The following MID1 variants were observed in gnomAD, a reference collection of about 807,000 sequenced individuals.
MID1 encodes the protein E3 ubiquitin-protein ligase Midline-1.
Under a neutral mutation model 40.4 loss-of-function variants are expected in MID1, and 7 were observed. The ratio of observed to expected loss-of-function variants is 0.17; its 90% CI spans 0.10 to 0.33. The LOEUF is 0.33. Ranked by LOEUF, MID1 falls within the 10% of genes least tolerant of loss-of-function variation. The probability of loss-of-function intolerance (pLI) is 1.00; values close to 1 mark genes in which losing one functional copy is unlikely to be tolerated. For synonymous variants in MID1, 229 were observed against 221.2 expected (o/e 1.04, Z -0.31); for missense variants, 367 against 558.5 (o/e 0.66, Z 3.46).
At chrX:10,491,662 T>C (rs1449609598) in intron 4 of MID1, among the ~76,000 whole-genome samples, 1 of 112,021 alleles carries the variant, frequency 8.9e-6, no homozygotes, top group East Asian at 2.8e-4. Context: ...ATTTAAAAAA[T>C]ATTACTGTGA....
At chrX:10,712,523 A>T (rs758927181) in intron 1 of MID1, among the ~76,000 whole-genome samples, 1 of 111,157 alleles carries the variant, frequency 9.0e-6, no homozygotes, top group Non-Finnish European at 1.9e-5. Flanking sequence ...GCCCACTCCA[A>T]GGGAAGAATC....
rs917514064 is a variant in MID1, at chrX:10,678,974, T to G, written c.-186-58555A>C. ...ACCAATCTGGGGTTGGGGGAGAGATTTGGCAATCTAACAAATTTATAGATG... is the reference window on the plus strand; with the variant it reads ...ACCAATCTGGGGTTGGGGGAGAGATGTGGCAATCTAACAAATTTATAGATG... On this transcript the variant is annotated intron_variant, in intron 1 of 10. Coordinates refer to the MID1 transcript ENST00000380785. Among the ~76,000 whole-genome samples the G allele has an allele frequency of 1.1e-4, 12 of 111,013 alleles. No homozygotes were observed. In the Admixed American group the frequency reaches 1.2e-3, roughly 11 times the overall value.
At chrX:10,713,251 C>A (rs769874371) in intron 1 of MID1, among the ~76,000 whole-genome samples, 3 of 111,786 alleles carry the variant, frequency 2.7e-5, no homozygotes, top group Non-Finnish European at 5.6e-5. Context: ...GATAACATGC[C>A]CAAATTCAAA....
chrX:10,641,681 C>G (rs1191435586), intron 1 of MID1, among the ~76,000 whole-genome samples: 1 of 111,817 alleles, frequency 8.9e-6, no homozygotes, highest in African/African-American at 3.3e-5. Flanking sequence ...CCAACATCAT[C>G]CTGATACCAA....
At chrX:10,768,031 C>T (rs1429228192) in intron 1 of MID1, among the ~76,000 whole-genome samples, 1 of 111,632 alleles carries the variant, frequency 9.0e-6, no homozygotes, top group African/African-American at 3.2e-5. Context: ...TAAATGTACA[C>T]TAACATGTAT....
chrX:10,790,988 G>C (rs2043926287), intron 1 of MID1, among the ~76,000 whole-genome samples: 1 of 112,633 alleles, frequency 8.9e-6, no homozygotes, highest in Non-Finnish European at 1.9e-5. Context: ...GCTAATGACA[G>C]TTGAATGGAC....
chrX:10,537,952 C>T (rs1315430811), intron 2 of MID1, among the ~76,000 whole-genome samples: 1 of 110,400 alleles, frequency 9.1e-6, no homozygotes, highest in Admixed American at 1.0e-4. Context: ...AAATTTCTCC[C>T]CACCTTCCCT....
intron 1 of MID1, among the ~76,000 whole-genome samples, chrX:10,801,086 T>A (rs2044003508): frequency 9.1e-6 from 1 of 110,044 alleles, no homozygotes; most frequent in Non-Finnish European, 1.9e-5. Flanking sequence ...GATGAATGGA[T>A]AGTCAGGACT....
rs147143854 is a variant in MID1 at position 10,451,349 on chromosome X, G to A, written c.1656-1633C>T. On this transcript the variant is annotated intron_variant, in intron 9 of 9. Transcript: ENST00000317552. ...TCCTGATGGCAGACAGTAGACGTGC[G>A]GTTGGTGGAAGCTTCTAGATGAGCG... Among the ~76,000 whole-genome samples, 17 of 111,473 alleles carry A rather than the reference G, an allele frequency of 1.5e-4. No homozygotes were observed. In the East Asian group the frequency reaches 2.2e-3, roughly 15 times the overall value.
intron 2 of MID1, among the ~76,000 whole-genome samples, chrX:10,565,785 T>A: frequency 9.1e-6 from 1 of 110,026 alleles, no homozygotes; most frequent in South Asian, 3.9e-4. Context: ...CCCTAGTGCT[T>A]TCTATCCATA....
intron 1 of MID1, among the ~76,000 whole-genome samples, chrX:10,831,114 C>G (rs1053848733): frequency 8.9e-6 from 1 of 111,828 alleles, no homozygotes; most frequent in African/African-American, 3.3e-5. Context: ...CCAGCCACAG[C>G]CTGATGGCCC....
Position 10,566,935 on chromosome X carries a change from G to C in MID1, c.613C>G (p.Arg205Gly). ...CALCKLVGRH[R>G]DHQVAALSER... is the part of the protein sequence containing the mutation. The stretch of plus-strand genomic sequence containing the variant: ...CTCAAAGCTGCCACCTGATGATCGC[G>C]GTGCCGCCCAACCAGTTTACACAAG... The change falls in exon 2 of 10, where the codon CGC becomes GGC. Residue 205 changes from arginine (R) to glycine (G), a missense_variant. Physicochemically the swap from Arg to Gly is moderately radical, Grantham distance 125. Coordinates refer to ENST00000317552, the MANE Select transcript of MID1 (RefSeq NM_000381.4). 1 of 1,211,624 alleles carries C rather than the reference G, an allele frequency of 8.3e-7. No individual in the cohort carries two copies. The highest frequency in any genetic ancestry group is 1.1e-6 in the Non-Finnish European group (1 of 895,494).
At chrX:10,636,760 C>A (rs1166511354) in intron 1 of MID1, among the ~76,000 whole-genome samples, 1 of 83,300 alleles carries the variant, frequency 1.2e-5, no homozygotes, top group African/African-American at 4.8e-5. Flanking sequence ...TTGATGCTGA[C>A]AAACTGGGCC....
At chrX:10,681,003 G>T (rs1435249642) in intron 1 of MID1, among the ~76,000 whole-genome samples, 1 of 103,819 alleles carries the variant, frequency 9.6e-6, no homozygotes, top group Non-Finnish European at 1.9e-5. Context: ...TTCAGCCTAG[G>T]TGACAGAGCC....
At chrX:10,723,016 G>A (rs2043368003) in intron 1 of MID1, among the ~76,000 whole-genome samples, 1 of 110,753 alleles carries the variant, frequency 9.0e-6, no homozygotes, top group African/African-American at 3.3e-5. Flanking sequence ...GTTTTCTACT[G>A]GGCCTGAAGT....
intron 1 of MID1, among the ~76,000 whole-genome samples, chrX:10,592,716 T>C (rs898562381): frequency 1.1e-4 from 12 of 110,756 alleles, no homozygotes; most frequent in Admixed American, 2.9e-4. Flanking sequence ...TCATTTAAGG[T>C]GATAACTATG....
At position 10,447,358 on chromosome X, in the gene MID1, C is replaced by T. The variant is rs190039783; in HGVS notation, c.*2010G>A. 1.5e-4 allele frequency: 17 copies of T among 111,211 alleles called. No homozygotes were observed. The highest frequency in any genetic ancestry group is 5.2e-4 in the African/African-American group (16 of 30,650). The allele number at this position is 111,211 out of a possible 1,213,427, so 9.2% of individuals were successfully genotyped here. A position where few individuals can be genotyped will look rare whatever the true frequency, so the allele number is the denominator to read the frequency against. On this transcript the variant is annotated 3_prime_UTR_variant, in exon 10 of 10. Coordinates refer to ENST00000317552, the MANE Select transcript of MID1 (RefSeq NM_000381.4). ...GTAGCATTTATTGGTACCTGGAGAC[C>T]GTGATTTTAAAAACTCAGAAGCTGA...
At chrX:10,530,594 G>C (rs1932936899) in intron 2 of MID1, among the ~76,000 whole-genome samples, 1 of 112,189 alleles carries the variant, frequency 8.9e-6, no homozygotes, top group Non-Finnish European at 1.9e-5. Context: ...CATCTTCACA[G>C]AGCCACAGTC....
intron 1 of MID1, among the ~76,000 whole-genome samples, chrX:10,643,491 C>T (rs777103722): frequency 2.7e-5 from 3 of 111,701 alleles, no homozygotes; most frequent in Non-Finnish European, 3.8e-5. Flanking sequence ...GTTACAATGG[C>T]GATCATTAAA....
Sources: allele counts gnomAD v4.1 joint callset (sites outside exome capture counted in the v4.1 genomes callset), GRCh38; gene constraint gnomAD v4.1.1; transcripts MANE v1.5; gene names NCBI Gene and HGNC (gene_info 2026-07-23, HGNC 2026-07-21).